Variants in SLC9C2 observed in about 807,000 individuals in gnomAD.
SLC9C2 encodes sodium/hydrogen exchanger 11.
SLC9C2 carries 75 observed loss-of-function variants against 140.2 expected under a neutral mutation model. That is an observed-to-expected ratio of 0.53 (90% CI 0.44 to 0.65). The LOEUF (loss-of-function observed/expected upper bound fraction) is 0.65, where lower values mean the gene tolerates loss of function less well. Among genes scored for constraint, SLC9C2 ranks in the 30% least tolerant of loss-of-function variants. SLC9C2 has a pLI of 0.00. For synonymous variants in SLC9C2, 375 were observed against 420.9 expected, an observed-to-expected ratio of 0.89 and a Z score of 1.34; for missense variants, 1,074 against 1,331.8, an observed-to-expected ratio of 0.81 and a Z score of 3.01.
At chr1:173,553,765 G>C (rs552058279) in intron 11 of SLC9C2, among the ~76,000 whole-genome samples, 1 of 152,108 alleles carries the variant, frequency 6.6e-6, no homozygotes, top group Non-Finnish European at 1.5e-5. Flanking sequence ...TGCATTATTT[G>C]CTTTGTCACG....
At chr1:173,557,623 AC>A (rs1437392989) in intron 9 of SLC9C2, 115 bp from the exon 10 acceptor site, 3 of 983,066 alleles carry the variant, frequency 3.1e-6, no homozygotes, top group East Asian at 2.7e-5. Flanking sequence ...AAAGAAAAAA[AC>A]AATGCAATTT....
chr1:173,554,610 T>C (rs2102087810), intron 11 of SLC9C2, 123 bp downstream of exon 11: 2 of 687,014 alleles, frequency 2.9e-6, no homozygotes, highest in East Asian at 2.6e-5. Context: ...TATGAATAAA[T>C]GAAAAATGAA....
chr1:173,578,426 C>T (rs1268284952), intron 7 of SLC9C2, among the ~76,000 whole-genome samples: 2 of 152,176 alleles, frequency 1.3e-5, no homozygotes, highest in African/African-American at 4.8e-5. Context: ...TGGAACATCT[C>T]CTTATAACAC....
chr1:173,603,062 T>G lies in SLC9C2; in HGVS notation c.-391A>C, dbSNP rs934724192. On this transcript the variant is annotated 5_prime_UTR_variant, in exon 1 of 28. Coordinates refer to ENST00000367714, the MANE Select transcript of SLC9C2 (RefSeq NM_178527.4). ...TTATGCGTCTGTTTGCCAGGGACAG[T>G]ACTACCAACTGATATCACACCAAAA... 1.2e-4 allele frequency: 18 copies of G among 152,202 alleles called. No individual in the cohort carries two copies. Among genetic ancestry groups the G allele is most frequent in the African/African-American group, 4.1e-4 (17 of 41,456 alleles). 9.4% of individuals were successfully genotyped at this position (152,202 alleles called of 1,614,324 possible).
intron 27 of SLC9C2, among the ~76,000 whole-genome samples, chr1:173,502,087 C>T (rs1330030217): frequency 6.6e-6 from 1 of 151,898 alleles, no homozygotes; most frequent in Non-Finnish European, 1.5e-5. Flanking sequence ...TCCTGGCTAA[C>T]ATGGTGAAAC....
rs576507052 is a variant in SLC9C2 at position 173,518,137 on chromosome 1, C to T, written c.2740-433G>A. 2.6e-5 allele frequency among the ~76,000 whole-genome samples: 4 copies of T among 152,218 alleles called. No homozygotes were observed. The South Asian group carries it at 8.3e-4, about 32-fold the overall frequency. On this transcript the variant is annotated intron_variant, in intron 22 of 27. Coordinates refer to ENST00000367714, the MANE Select transcript of SLC9C2 (RefSeq NM_178527.4). ...AATTAGTCGAGCATGGTGACGCATACTTGTAGTCCCAGCTACTCAGGAGAC... is the reference window on the plus strand; with the variant it reads ...AATTAGTCGAGCATGGTGACGCATATTTGTAGTCCCAGCTACTCAGGAGAC...
intron 7 of SLC9C2, among the ~76,000 whole-genome samples, chr1:173,579,591 C>T (rs1312163787): frequency 2.6e-5 from 4 of 152,208 alleles, no homozygotes; most frequent in Non-Finnish European, 5.9e-5. Context: ...GGACCTTTTA[C>T]TCCACAGCTA....
chr1:173,526,655 C>T lies in SLC9C2; in HGVS notation c.2365+8G>A. On this transcript the variant is annotated splice_region_variant and intron_variant, in intron 19 of 27. Transcript: ENST00000367714. ...GACTTTAAGAACTCAGATACTTCAACTACCTACCTAATTCTTTGACAGCAT... is the reference window on the plus strand; with the variant it reads ...GACTTTAAGAACTCAGATACTTCAATTACCTACCTAATTCTTTGACAGCAT... 6.3e-7 allele frequency: 1 copy of T among 1,586,752 alleles called. No homozygotes were observed. Among genetic ancestry groups the T allele is most frequent in the South Asian group, 1.2e-5 (1 of 84,888 alleles).
In SLC9C2 at chr1:173,543,885, C is replaced by T. The variant is rs186885310; in HGVS notation, c.1557+3804G>A. Among the ~76,000 whole-genome samples, 554 of 152,218 alleles carry T rather than the reference C, an allele frequency of 3.6e-3. 6 individuals carry two copies. Among genetic ancestry groups the T allele is most frequent in the African/African-American group, 0.013 (533 of 41,536 alleles). Reference sequence around the variant, plus strand: ...TGGATTAAAGACTTAAATGTTAGACCTAAAAACCATAAAAAACCCAGAAGA... The same window carrying T: ...TGGATTAAAGACTTAAATGTTAGACTTAAAAACCATAAAAAACCCAGAAGA... On this transcript the variant is annotated intron_variant, in intron 13 of 27. Coordinates refer to ENST00000367714, the MANE Select transcript of SLC9C2 (RefSeq NM_178527.4).
chr1:173,563,751 A>T (rs1195512585), intron 9 of SLC9C2, among the ~76,000 whole-genome samples: 1 of 152,136 alleles, frequency 6.6e-6, no homozygotes, highest in Non-Finnish European at 1.5e-5. Context: ...GTACAATTAA[A>T]TTATCAACTA....
At chr1:173,561,684 C>T (rs1446548491) in intron 9 of SLC9C2, among the ~76,000 whole-genome samples, 1 of 152,138 alleles carries the variant, frequency 6.6e-6, no homozygotes, top group East Asian at 1.9e-4. Flanking sequence ...GTCCAGGTGA[C>T]AGCCTTCAAG....
At chr1:173,552,446 T>C (rs1343221324) in intron 11 of SLC9C2, among the ~76,000 whole-genome samples, 2 of 152,210 alleles carry the variant, frequency 1.3e-5, no homozygotes, top group African/African-American at 4.8e-5. Context: ...GAAAAGCCAA[T>C]GCCTAGCTTC....
intron 17 of SLC9C2, among the ~76,000 whole-genome samples, chr1:173,532,325 T>C (rs1467243038): frequency 6.6e-6 from 1 of 152,128 alleles, no homozygotes; most frequent in African/African-American, 2.4e-5. Flanking sequence ...TAATAAGAAT[T>C]AAACAACAAC....
At chr1:173,536,819 G>C (rs758536774) in intron 14 of SLC9C2, 123 bp downstream of exon 14, 34 of 691,606 alleles carry the variant, frequency 4.9e-5, no homozygotes, top group Non-Finnish European at 6.8e-5. Context: ...ACAGAAGATG[G>C]ATACATACAG....
chr1:173,517,283 G>T (rs1660487718), intron 23 of SLC9C2, among the ~76,000 whole-genome samples: 1 of 152,148 alleles, frequency 6.6e-6, no homozygotes, highest in Non-Finnish European at 1.5e-5. Flanking sequence ...AACATCAAAA[G>T]GTTGGTATTC....
chr1:173,544,066 G>C (rs1013406355), intron 13 of SLC9C2, among the ~76,000 whole-genome samples: 2 of 152,138 alleles, frequency 1.3e-5, no homozygotes, highest in African/African-American at 4.8e-5. Context: ...AGAGTGAACA[G>C]GCAACCTACA....
intron 20 of SLC9C2, 77 bp downstream of exon 20, chr1:173,524,702 A>C: frequency 6.6e-7 from 1 of 1,506,688 alleles, no homozygotes; most frequent in Non-Finnish European, 9.0e-7. Flanking sequence ...AATTTTTTCA[A>C]TCTCCCTCCT....
chr1:173,576,528 C>G, intron 8 of SLC9C2, 133 bp downstream of exon 8: 1 of 562,222 alleles, frequency 1.8e-6, no homozygotes, highest in South Asian at 2.8e-5. Context: ...TCAAATATAA[C>G]TGATAGCAAA....
chr1:173,548,538 A>T lies in SLC9C2; in HGVS notation c.1312T>A (p.Ser438Thr), dbSNP rs1246303074. ...TGCAAGATCATTTGTCTTGGGAGGG[A>T]AAGAACACACAAATCTGTGACAAAG... Reference protein sequence around the residue: ...SARKLDLCVLSLPRQMILQNA... With the variant: ...SARKLDLCVLTLPRQMILQNA... The change falls in exon 12 of 28, where the codon TCC (serine) becomes ACC (threonine). Residue 438 changes from serine to threonine, a missense_variant. Physicochemically the swap from Ser to Thr is moderately conservative, Grantham distance 58. Coordinates refer to ENST00000367714, the MANE Select transcript of SLC9C2 (RefSeq NM_178527.4). 1.9e-6 allele frequency: 3 copies of T among 1,613,474 alleles called. No homozygotes were observed. Among genetic ancestry groups the T allele is most frequent in the African/African-American group, 2.7e-5 (2 of 74,864 alleles).
Sources: allele counts gnomAD v4.1 joint callset (sites outside exome capture counted in the v4.1 genomes callset), GRCh38; gene constraint gnomAD v4.1.1; transcripts MANE v1.5; gene names NCBI Gene and HGNC (gene_info 2026-07-23, HGNC 2026-07-21).